Variants in DOCK9 observed in about 807,000 individuals in gnomAD.
DOCK9 encodes the protein dedicator of cytokinesis 9.
In DOCK9, 89 loss-of-function variants were observed where a neutral mutation model predicts 263.3. The ratio of observed to expected loss-of-function variants is 0.34; its 90% CI spans 0.28 to 0.40. The LOEUF (loss-of-function observed/expected upper bound fraction) is 0.40, where lower values mean the gene tolerates loss of function less well. DOCK9 is among the 10% of genes least tolerant of loss of function. DOCK9 has a pLI of 1.00. For synonymous variants in DOCK9, 976 were observed against 973.1 expected, an observed-to-expected ratio of 1.00 and a Z score of -0.06; for missense variants, 2,140 against 2,603.4, an observed-to-expected ratio of 0.82 and a Z score of 3.87.
At chr13:98,942,112 C>A (rs189424379) in intron 2 of DOCK9, among the ~76,000 whole-genome samples, 1 of 152,302 alleles carries the variant, frequency 6.6e-6, no homozygotes, top group African/African-American at 2.4e-5. Flanking sequence ...TCTAAAGCAC[C>A]TACCAACTCT....
At chr13:98,802,195 C>G (rs1053192174) in intron 49 of DOCK9, among the ~76,000 whole-genome samples, 1 of 152,206 alleles carries the variant, frequency 6.6e-6, no homozygotes, top group Non-Finnish European at 1.5e-5. Context: ...ACACAGATCA[C>G]GTTCTACCAC....
intron 1 of DOCK9, among the ~76,000 whole-genome samples, chr13:98,966,405 C>T (rs2059202398): frequency 6.6e-6 from 1 of 152,190 alleles, no homozygotes. Flanking sequence ...CTAATTCTGC[C>T]TATTTTTTCA....
chr13:99,001,753 G>A (rs1181486144), intron 1 of DOCK9, among the ~76,000 whole-genome samples: 2 of 152,238 alleles, frequency 1.3e-5, no homozygotes, highest in Non-Finnish European at 2.9e-5. Context: ...GCAGGAGCAG[G>A]CTGGGAAGTT....
At chr13:99,000,975 G>A (rs998110829) in intron 1 of DOCK9, among the ~76,000 whole-genome samples, 8 of 152,116 alleles carry the variant, frequency 5.3e-5, no homozygotes, top group South Asian at 2.1e-4. Context: ...AGGCCAAGGC[G>A]CAACAGCAGA....
At chr13:98,820,609 G>A (rs767067610) in intron 45 of DOCK9, 8 of 356,290 alleles carry the variant, frequency 2.2e-5, no homozygotes, top group African/African-American at 6.6e-5. Context: ...TACATTACTC[G>A]TATATATGGG....
At chr13:98,955,340 A>T in intron 2 of DOCK9, 95 bp downstream of exon 2, 1 of 807,458 alleles carries the variant, frequency 1.2e-6, no homozygotes, top group Non-Finnish European at 1.8e-6. Context: ...TAATAATAAT[A>T]ATTAACTAAC....
chr13:98,962,350 T>A (rs1423062007), intron 1 of DOCK9, among the ~76,000 whole-genome samples: 1 of 152,244 alleles, frequency 6.6e-6, no homozygotes, highest in Non-Finnish European at 1.5e-5. Context: ...CCGTGCCTTA[T>A]TTTGTTTTCA....
intron 1 of DOCK9, among the ~76,000 whole-genome samples, chr13:99,008,185 CCTCTCTCTCT>C (rs370963218): frequency 1.4e-3 from 141 of 100,988 alleles, no homozygotes; most frequent in East Asian, 5.4e-3. Flanking sequence ...TATTGTGCAG[CCTCTCTCTCT>C]CTCTCTCTCT....
rs753276565 is a variant in DOCK9, at chr13:98,825,897, G to C, written c.5023+933C>G. The C allele has an allele frequency of 6.4e-7, 1 of 1,551,302 alleles. No individual in the cohort carries two copies. ...CTCCCCGGCTCCTCCTCAGGCAGGC[G>C]CTATGGCTGTGGGGGAGAAGGGGCG... On this transcript the variant is annotated intron_variant, in intron 44 of 52. Transcript: ENST00000682017. This position sits in a 1 kb window ranked among gnomAD's most constrained non-coding sequence, Gnocchi z 4.1.
intron 1 of DOCK9, among the ~76,000 whole-genome samples, chr13:99,070,453 G>T (rs758884773): frequency 6.6e-6 from 1 of 151,702 alleles, no homozygotes; most frequent in Non-Finnish European, 1.5e-5. Context: ...TGCTTACTGC[G>T]TTTTTTTTGC....
At chr13:98,891,542 C>T (rs957149976) in intron 15 of DOCK9, among the ~76,000 whole-genome samples, 22 of 152,198 alleles carry the variant, frequency 1.4e-4, no homozygotes, top group African/African-American at 5.3e-4. Flanking sequence ...ATCACTCCAA[C>T]ATCCTCCACA....
intron 50 of DOCK9, among the ~76,000 whole-genome samples, chr13:98,799,889 G>A (rs1031708290): frequency 6.6e-6 from 1 of 151,822 alleles, no homozygotes; most frequent in African/African-American, 2.4e-5. Context: ...CCATTAAGAG[G>A]GTAAAACTTA....
intron 1 of DOCK9, among the ~76,000 whole-genome samples, chr13:98,989,933 G>A (rs754984583): frequency 3.3e-5 from 5 of 152,212 alleles, no homozygotes; most frequent in Admixed American, 6.5e-5. Context: ...CTACAGAGCA[G>A]TACAATATTC....
chr13:99,050,585 C>T (rs1048695625), intron 1 of DOCK9, among the ~76,000 whole-genome samples: 1 of 152,060 alleles, frequency 6.6e-6, no homozygotes, highest in Non-Finnish European at 1.5e-5. Flanking sequence ...CCCAGCTACT[C>T]GGGAGGTTGA....
chr13:98,979,438 A>T (rs1428032621), upstream of DOCK9, among the ~76,000 whole-genome samples: 1 of 152,062 alleles, frequency 6.6e-6, no homozygotes, highest in African/African-American at 2.4e-5. Flanking sequence ...CTGAGATGCC[A>T]CCCAGTCCTC....
chr13:99,015,387 A>G (rs1885236904), intron 1 of DOCK9: 2 of 1,357,062 alleles, frequency 1.5e-6, no homozygotes, highest in Non-Finnish European at 2.0e-6. Flanking sequence ...GTTTACAAGT[A>G]AAGACTAGTT....
exon 1 of DOCK9, chr13:99,086,422 G>T (rs2042344851): frequency 2.2e-6 from 2 of 920,074 alleles, no homozygotes; most frequent in African/African-American, 1.8e-5. Flanking sequence ...CGCCAGGTGC[G>T]CCCTCGGCGC....
chr13:99,057,779 A>C (rs1293170043), intron 1 of DOCK9, among the ~76,000 whole-genome samples: 1 of 152,238 alleles, frequency 6.6e-6, no homozygotes, highest in East Asian at 1.9e-4. Context: ...ACCAGCTTAC[A>C]ACACAGAGAT....
chr13:99,030,653 G>A (rs1303279946), intron 1 of DOCK9, among the ~76,000 whole-genome samples: 2 of 152,194 alleles, frequency 1.3e-5, no homozygotes, highest in East Asian at 3.8e-4. Context: ...CCTCTTAATA[G>A]TGACATTGCC....
Sources: gnomAD v4.1 joint callset for allele counts (sites outside exome capture counted in the v4.1 genomes callset) on GRCh38, gnomAD v4.1.1 for gene constraint, Gnocchi (gnomAD v3.1) non-coding constraint, MANE v1.5 for transcripts, NCBI Gene and HGNC (gene_info 2026-07-23, HGNC 2026-07-21) for gene names.